PALM2AKAP2: variants seen among roughly 807,000 people sequenced by gnomAD.
PALM2AKAP2 encodes the protein PALM2-AKAP2 fusion protein.
Under a neutral mutation model 71.5 loss-of-function variants are expected in PALM2AKAP2, and 37 were observed. The ratio of observed to expected loss-of-function variants is 0.52; its 90% CI spans 0.40 to 0.68. The LOEUF (loss-of-function observed/expected upper bound fraction) is 0.68, where lower values mean the gene tolerates loss of function less well. Among genes scored for constraint, PALM2AKAP2 ranks in the 30% least tolerant of loss-of-function variants. PALM2AKAP2 has a pLI of 0.00. For missense variants in PALM2AKAP2, 1,224 were observed against 1,191.8 expected (o/e 1.03, Z -0.40); for synonymous variants, 468 against 478.8 (o/e 0.98, Z 0.29).
chr9:110,109,975 T>C (rs954562478), intron 1 of PALM2AKAP2, among the ~76,000 whole-genome samples: 1 of 152,270 alleles, frequency 6.6e-6, no homozygotes, highest in South Asian at 2.1e-4. Context: ...GGTCAATGGA[T>C]ATAAAATTTC....
At chr9:109,905,876 G>T (rs1830435012) in intron 3 of PALM2AKAP2, among the ~76,000 whole-genome samples, 1 of 152,188 alleles carries the variant, frequency 6.6e-6, no homozygotes, top group South Asian at 2.1e-4. Flanking sequence ...TGTAATCCCA[G>T]CATTTTGGGA....
intron 1 of PALM2AKAP2, among the ~76,000 whole-genome samples, chr9:109,676,166 C>A: frequency 6.6e-6 from 1 of 152,288 alleles, no homozygotes; most frequent in Middle Eastern, 3.4e-3. Context: ...AGAGGTAGAG[C>A]AAGAGTTCCT....
intron 1 of PALM2AKAP2, among the ~76,000 whole-genome samples, chr9:109,698,256 C>A (rs1387306802): frequency 1.3e-5 from 2 of 151,734 alleles, no homozygotes; most frequent in African/African-American, 4.9e-5. Flanking sequence ...TTACCCTTCA[C>A]CTGCATGTGT....
intron 1 of PALM2AKAP2, among the ~76,000 whole-genome samples, chr9:109,672,797 G>A (rs938521305): frequency 6.6e-6 from 1 of 151,864 alleles, no homozygotes; most frequent in African/African-American, 2.4e-5. Flanking sequence ...TTATTAGTCT[G>A]TTCAGGGATT....
At chr9:110,127,137 T>C (rs1315905607) in intron 1 of PALM2AKAP2, among the ~76,000 whole-genome samples, 3 of 152,222 alleles carry the variant, frequency 2.0e-5, no homozygotes, top group Non-Finnish European at 2.9e-5. Flanking sequence ...AGGCTGGACC[T>C]GCAGGAGCAG....
chr9:109,777,150 C>T (rs1829360076), upstream of PALM2AKAP2, among the ~76,000 whole-genome samples: 1 of 152,178 alleles, frequency 6.6e-6, no homozygotes, highest in Non-Finnish European at 1.5e-5. Flanking sequence ...ATCAATGACT[C>T]TTTGTTCAAT....
chr9:110,137,700 T>A, exon 2 of PALM2AKAP2: 1 of 1,614,196 alleles, frequency 6.2e-7, no homozygotes, highest in Non-Finnish European at 8.5e-7. Context: ...ACCACAGTCC[T>A]GGAGACCCTA....
At chr9:109,766,125 G>A (rs888053703) in intron 1 of PALM2AKAP2, among the ~76,000 whole-genome samples, 5 of 152,144 alleles carry the variant, frequency 3.3e-5, no homozygotes, top group African/African-American at 9.7e-5. Context: ...GAGTCCTTTC[G>A]GAAAGCACTT....
chr9:109,758,195 A>C (rs1828995437), intron 1 of PALM2AKAP2, among the ~76,000 whole-genome samples: 1 of 152,142 alleles, frequency 6.6e-6, no homozygotes, highest in South Asian at 2.1e-4. Flanking sequence ...CAGTGCATGA[A>C]GAGTTTTTCC....
At chr9:109,832,663 A>G (rs1302589827) in intron 1 of PALM2AKAP2, among the ~76,000 whole-genome samples, 1 of 152,216 alleles carries the variant, frequency 6.6e-6, no homozygotes, top group African/African-American at 2.4e-5. Flanking sequence ...AGACTTTTAC[A>G]AAATGCAAAT....
intron 1 of PALM2AKAP2, among the ~76,000 whole-genome samples, chr9:109,836,558 G>C (rs1828484349): frequency 6.6e-6 from 1 of 152,218 alleles, no homozygotes; most frequent in Admixed American, 6.5e-5. Flanking sequence ...AGAGAAGAAG[G>C]CTTCAGATGA....
At chr9:110,140,449 G>T (rs1317070858) in intron 2 of PALM2AKAP2, among the ~76,000 whole-genome samples, 1 of 152,172 alleles carries the variant, frequency 6.6e-6, no homozygotes, top group African/African-American at 2.4e-5. Flanking sequence ...AAAGATCTGA[G>T]TGCTAGCTGT....
intron 1 of PALM2AKAP2, among the ~76,000 whole-genome samples, chr9:110,133,305 A>C (rs1835775218): frequency 6.6e-6 from 1 of 152,218 alleles, no homozygotes; most frequent in Non-Finnish European, 1.5e-5. Flanking sequence ...TAGCAACAAG[A>C]GACAAAGAGA....
chr9:109,852,575 C>T (rs1462969915), intron 1 of PALM2AKAP2, among the ~76,000 whole-genome samples: 1 of 152,130 alleles, frequency 6.6e-6, no homozygotes, highest in Admixed American at 6.5e-5. Flanking sequence ...AGTCCAGTGG[C>T]AATTCTGTTT....
intron 1 of PALM2AKAP2, among the ~76,000 whole-genome samples, chr9:109,660,317 G>T (rs1161407499): frequency 6.6e-6 from 1 of 152,070 alleles, no homozygotes; most frequent in African/African-American, 2.4e-5. Flanking sequence ...ATTTACATTA[G>T]GTATTTCTCC....
intron 6 of PALM2AKAP2, among the ~76,000 whole-genome samples, chr9:110,007,813 T>C (rs1362517056): frequency 2.0e-5 from 3 of 152,132 alleles, no homozygotes; most frequent in Admixed American, 1.3e-4. Flanking sequence ...TACCCAAAGA[T>C]AGAGGTGAAA....
intron 3 of PALM2AKAP2, among the ~76,000 whole-genome samples, chr9:109,884,709 C>T (rs1361008271): frequency 1.3e-5 from 2 of 152,140 alleles, no homozygotes; most frequent in African/African-American, 2.4e-5. Flanking sequence ...GCCCCCTAGT[C>T]TAAGTCACCC....
chr9:109,819,705 ATGTGTGTGTG>A (rs57864589), intron 1 of PALM2AKAP2, among the ~76,000 whole-genome samples: 2 of 140,718 alleles, frequency 1.4e-5, no homozygotes, highest in African/African-American at 5.5e-5. Flanking sequence ...GTGTGTGTGT[ATGTGTGTGTG>A]TGTGTGTGTG....
intron 3 of PALM2AKAP2, among the ~76,000 whole-genome samples, chr9:109,897,774 G>A (rs186620789): frequency 4.5e-4 from 68 of 152,280 alleles, no homozygotes; most frequent in South Asian, 2.1e-3. Context: ...TGAAAAGCAA[G>A]TATAGATTTA....
Sources: allele counts gnomAD v4.1 joint callset (sites outside exome capture counted in the v4.1 genomes callset), GRCh38; gene constraint gnomAD v4.1.1; transcripts MANE v1.5; gene names NCBI Gene and HGNC (gene_info 2026-07-23, HGNC 2026-07-21).